Variants in CFAP43 observed in about 807,000 individuals in gnomAD.
CFAP43 encodes the protein cilia- and flagella-associated protein 43.
Under a neutral mutation model 218.9 loss-of-function variants are expected in CFAP43, and 155 were observed. That is an observed-to-expected ratio of 0.71 (90% CI 0.62 to 0.81). The LOEUF (loss-of-function observed/expected upper bound fraction) is 0.81. Among genes scored for constraint, CFAP43 ranks in the 30% least tolerant of loss-of-function variants. The pLI is 0.00. For synonymous variants in CFAP43, 645 were observed against 681.3 expected (o/e 0.95, Z 0.83); for missense variants, 1,778 against 1,954.3 (o/e 0.91, Z 1.70).
At chr10:104,153,065 T>C (rs1005827903) in intron 27 of CFAP43, among the ~76,000 whole-genome samples, 1 of 152,152 alleles carries the variant, frequency 6.6e-6, no homozygotes, top group Non-Finnish European at 1.5e-5. Context: ...TCCAGACACA[T>C]GATTTAGCCC....
chr10:104,147,192 C>G (rs1031132716), intron 29 of CFAP43, among the ~76,000 whole-genome samples: 1 of 150,568 alleles, frequency 6.6e-6, no homozygotes, highest in Non-Finnish European at 1.5e-5. Flanking sequence ...AGATGGTATC[C>G]TCATCTGTGA....
chr10:104,213,378 T>G (rs2090919451), intron 4 of CFAP43, among the ~76,000 whole-genome samples: 1 of 152,192 alleles, frequency 6.6e-6, no homozygotes, highest in Non-Finnish European at 1.5e-5. Flanking sequence ...CAGTAGCACC[T>G]TGAGTCTCCG....
At chr10:104,168,678 T>G in intron 21 of CFAP43, 66 bp downstream of exon 21, 2 of 1,388,374 alleles carry the variant, frequency 1.4e-6, no homozygotes, top group South Asian at 2.3e-5. Context: ...AATTTATTTT[T>G]AAAACTTTCC....
chr10:104,136,273 A>AT (rs2087440996), intron 34 of CFAP43, among the ~76,000 whole-genome samples: 1 of 149,522 alleles, frequency 6.7e-6, no homozygotes, highest in African/African-American at 2.5e-5. Flanking sequence ...AAAAAAAAAA[A>AT]AAAAAGAAGA....
In CFAP43 at chr10:104,223,001, A is replaced by G. The variant is rs995376048; in HGVS notation, c.416+2460T>C. Among the ~76,000 whole-genome samples the G allele has an allele frequency of 2.0e-5, 3 of 152,246 alleles. No homozygotes were observed. The South Asian group carries it at 6.2e-4, about 31-fold the overall frequency. ...GCTTTGCAGACCATATATGGGCTCT[A>G]TTACAACTCAAGTCTGCCATCATAG... On this transcript the variant is annotated intron_variant, in intron 3 of 37. Transcript: ENST00000357060.
chr10:104,171,334 C>A (rs1343438524), intron 20 of CFAP43, among the ~76,000 whole-genome samples: 2 of 152,198 alleles, frequency 1.3e-5, no homozygotes, highest in Admixed American at 6.5e-5. Flanking sequence ...TGTTGAGATA[C>A]TCTTGTCCTA....
chr10:104,157,548 T>C (rs1235520524), intron 27 of CFAP43, among the ~76,000 whole-genome samples: 1 of 151,676 alleles, frequency 6.6e-6, no homozygotes, highest in East Asian at 1.9e-4. Flanking sequence ...ACATAGGGGG[T>C]AGATGGGACA....
rs747210195 is a variant in CFAP43 at position 104,152,699 on chromosome 10, G to T, written c.3568C>A (p.Gln1190Lys). 1.2e-6 allele frequency: 2 copies of T among 1,612,360 alleles called. No individual in the cohort carries two copies. Among genetic ancestry groups the T allele is most frequent in the Non-Finnish European group, 1.7e-6 (2 of 1,179,602 alleles). Residue 1190 changes from glutamine (Q) to lysine (K), a missense_variant, in exon 28 of 38, where the codon CAA becomes AAA. By Grantham distance (53) the Gln-to-Lys change is moderately conservative (BLOSUM62 1). Transcript: ENST00000357060. ...TGTGTGCTTTCTTGAATAGAGTTTT[G>T]AAGTTTCTTCAGTTCTGCTTCTAAT... ...KSLEAELKKL[Q>K]NSIQESTQAF...
chr10:104,207,932 A>G, intron 5 of CFAP43, 108 bp from the exon 6 acceptor site: 2 of 1,084,482 alleles, frequency 1.8e-6, no homozygotes, highest in Non-Finnish European at 2.6e-6. Flanking sequence ...AACCCCATAG[A>G]CGCAGAAAAC....
rs1328226445 is a variant in CFAP43 at position 104,179,095 on chromosome 10, C to T, written c.2394G>A (p.Lys798=). The change falls in exon 19 of 38, where the codon AAG becomes AAA. Residue 798 remains lysine, a synonymous_variant. Coordinates refer to ENST00000357060, the MANE Select transcript of CFAP43 (RefSeq NM_025145.7). The stretch of plus-strand genomic sequence containing the variant: ...TTTTCTTGGAAAACAGATTAACCTC[C>T]TTTTTGATGGCCTGAAACAGAACAA... The part of the protein sequence containing the change: ...IQQKSQEAIK[K]EVNLFSKKRK... 6.2e-7 allele frequency: 1 copy of T among 1,612,578 alleles called. No homozygotes were observed. The highest frequency in any genetic ancestry group is 8.5e-7 in the Non-Finnish European group (1 of 1,179,256).
chr10:104,175,244 G>A (rs1396896520), intron 19 of CFAP43, among the ~76,000 whole-genome samples: 1 of 151,960 alleles, frequency 6.6e-6, no homozygotes, highest in Non-Finnish European at 1.5e-5. Flanking sequence ...GGCATCATAG[G>A]GAGACCCTGT....
At chr10:104,179,714 T>C in intron 18 of CFAP43, 126 bp downstream of exon 18, 3 of 710,094 alleles carry the variant, frequency 4.2e-6, no homozygotes, top group African/African-American at 1.8e-5. Flanking sequence ...ACCTGTATGT[T>C]GTAATGCTCT....
At chr10:104,169,124 C>T (rs977586072) in intron 20 of CFAP43, among the ~76,000 whole-genome samples, 3 of 152,136 alleles carry the variant, frequency 2.0e-5, no homozygotes, top group African/African-American at 7.2e-5. Flanking sequence ...GTTGCATACA[C>T]GAGTGAAGTG....
intron 27 of CFAP43, among the ~76,000 whole-genome samples, chr10:104,159,168 AT>A (rs953769695): frequency 3.3e-5 from 5 of 150,300 alleles, no homozygotes; most frequent in South Asian, 2.1e-4. Context: ...ACGATACAAG[AT>A]TTTTTTTTTA....
At chr10:104,179,971 T>C (rs985203131) in intron 17 of CFAP43, 39 bp from the exon 18 acceptor site, 1 of 1,544,870 alleles carries the variant, frequency 6.5e-7, no homozygotes, top group African/African-American at 1.4e-5. Context: ...GTCTTAAAGT[T>C]AAAATTCATC....
At chr10:104,142,159 A>G (rs2087736866) in intron 33 of CFAP43, 122 bp downstream of exon 33, 2 of 665,386 alleles carry the variant, frequency 3.0e-6, no homozygotes, top group East Asian at 2.9e-5. Flanking sequence ...ATTTTAAAGC[A>G]CAGTGCTGGA....
chr10:104,136,234 G>A (rs545286747), intron 34 of CFAP43, among the ~76,000 whole-genome samples: 1 of 108,452 alleles, frequency 9.2e-6, no homozygotes, highest in South Asian at 3.3e-4. Context: ...CTGGGAGACA[G>A]AGCGAGAATC....
chr10:104,181,273 A>T (rs1302821111), intron 17 of CFAP43, among the ~76,000 whole-genome samples: 2 of 152,024 alleles, frequency 1.3e-5, no homozygotes, highest in Non-Finnish European at 2.9e-5. Flanking sequence ...TGTCCAATTC[A>T]TCAGTGAGTT....
chr10:104,193,727 T>C, intron 11 of CFAP43, 139 bp downstream of exon 11: 4 of 1,186,072 alleles, frequency 3.4e-6, no homozygotes, highest in Non-Finnish European at 3.5e-6. Flanking sequence ...ACCTTTTGAG[T>C]GTTGAACTGT....
Sources: gnomAD v4.1 joint callset for allele counts (sites outside exome capture counted in the v4.1 genomes callset) on GRCh38, gnomAD v4.1.1 for gene constraint, MANE v1.5 for transcripts, NCBI Gene and HGNC (gene_info 2026-07-23, HGNC 2026-07-21) for gene names.